LRMDA: variants seen among roughly 807,000 people sequenced by gnomAD.
The protein encoded by LRMDA is leucine-rich melanocyte differentiation-associated protein.
In LRMDA, 18 loss-of-function variants were observed where a neutral mutation model predicts 29.8. The ratio of observed to expected loss-of-function variants is 0.60; its 90% CI spans 0.42 to 0.90. The LOEUF (loss-of-function observed/expected upper bound fraction) is 0.90. Among genes scored for constraint, LRMDA ranks in the 40% least tolerant of loss-of-function variants. The probability of loss-of-function intolerance (pLI) is 0.00; values close to 1 mark genes in which losing one functional copy is unlikely to be tolerated. For synonymous variants in LRMDA, 125 were observed against 109.4 expected, an observed-to-expected ratio of 1.14 and a Z score of -0.89; for missense variants, 273 against 273.9, an observed-to-expected ratio of 1.00 and a Z score of 0.02.
chr10:75,693,224 C>T (rs181106675), intron 2 of LRMDA, among the ~76,000 whole-genome samples: 128 of 152,186 alleles, frequency 8.4e-4, no homozygotes, highest in African/African-American at 3.0e-3. Context: ...TGGGGGGAAT[C>T]GGGAGTGAGG....
chr10:76,542,749 T>A (rs2132386489), intron 6 of LRMDA, among the ~76,000 whole-genome samples: 1 of 152,316 alleles, frequency 6.6e-6, no homozygotes, highest in South Asian at 2.1e-4. Context: ...ATAACCTTGA[T>A]GTTAAGAGCT....
chr10:76,105,140 G>C (rs12263685), intron 5 of LRMDA, among the ~76,000 whole-genome samples: 5,711 of 152,210 alleles, frequency 0.038, 154 homozygotes, highest in African/African-American at 0.072. Context: ...ATCTTGGTCT[G>C]TGTTTCTTTT....
chr10:76,430,005 T>G (rs2132282108), intron 6 of LRMDA, among the ~76,000 whole-genome samples: 1 of 152,368 alleles, frequency 6.6e-6, no homozygotes, highest in East Asian at 1.9e-4. Context: ...CATTTATATT[T>G]CCATACTTTA....
At chr10:76,174,309 A>T (rs1036598640) in intron 5 of LRMDA, among the ~76,000 whole-genome samples, 3 of 152,106 alleles carry the variant, frequency 2.0e-5, no homozygotes, top group Non-Finnish European at 4.4e-5. Context: ...TAATTTAATT[A>T]AAAAATTTTT....
At chr10:75,991,648 C>T (rs1439745431) in intron 2 of LRMDA, among the ~76,000 whole-genome samples, 2 of 152,204 alleles carry the variant, frequency 1.3e-5, no homozygotes, top group African/African-American at 2.4e-5. Context: ...AGGAAAGATG[C>T]GTGACTGATG....
chr10:76,463,917 A>ATTTTTTTTTTTTTTTTTT (rs763472626), intron 6 of LRMDA, among the ~76,000 whole-genome samples: 8 of 112,886 alleles, frequency 7.1e-5, no homozygotes, highest in Admixed American at 2.1e-4. Context: ...TGCAAAATAA[A>ATTTTTTTTTTTTTTTTTT]TTTTTTTTTT....
At chr10:75,858,925 C>T (rs1195602051) in intron 2 of LRMDA, among the ~76,000 whole-genome samples, 1 of 152,246 alleles carries the variant, frequency 6.6e-6, no homozygotes, top group Non-Finnish European at 1.5e-5. Flanking sequence ...ATATCCCTCT[C>T]TGCCACAGGC....
chr10:75,545,814 G>T (rs1840074814), intron 2 of LRMDA, among the ~76,000 whole-genome samples: 1 of 152,178 alleles, frequency 6.6e-6, no homozygotes, highest in Non-Finnish European at 1.5e-5. Context: ...CTTAAATCTG[G>T]TTGGGAAGGA....
chr10:75,619,307 C>G (rs1480595614), intron 2 of LRMDA, among the ~76,000 whole-genome samples: 1 of 152,002 alleles, frequency 6.6e-6, no homozygotes, highest in Non-Finnish European at 1.5e-5. Flanking sequence ...GTCTATACCC[C>G]CTATCCTGTT....
At chr10:76,375,345 G>T (rs895336255) in intron 6 of LRMDA, among the ~76,000 whole-genome samples, 1 of 151,994 alleles carries the variant, frequency 6.6e-6, no homozygotes, top group East Asian at 1.9e-4. Context: ...GTTACCAGAG[G>T]ACTGCCAGGT....
chr10:75,527,467 T>G (rs9415102), intron 2 of LRMDA, among the ~76,000 whole-genome samples: 13,813 of 151,990 alleles, frequency 0.091, 849 homozygotes, highest in East Asian at 0.3. Flanking sequence ...ACTGCCAAAC[T>G]GTTTTCACAA....
intron 2 of LRMDA, among the ~76,000 whole-genome samples, chr10:75,626,456 C>T (rs1367286): frequency 0.65 from 98,360 of 151,942 alleles, 33,092 homozygotes; most frequent in East Asian, 0.79. Context: ...GAAAGGGAGA[C>T]TATGAATTGA....
At chr10:76,279,014 T>C (rs1041250897) in intron 5 of LRMDA, among the ~76,000 whole-genome samples, 2 of 152,206 alleles carry the variant, frequency 1.3e-5, no homozygotes, top group Non-Finnish European at 2.9e-5. Context: ...TTTGTTTCCT[T>C]GTCTGAACTG....
At chr10:75,804,425 A>T (rs1160702895) in intron 2 of LRMDA, among the ~76,000 whole-genome samples, 1 of 152,226 alleles carries the variant, frequency 6.6e-6, no homozygotes, top group Non-Finnish European at 1.5e-5. Flanking sequence ...GGTGTGCTGC[A>T]TAATTAAAGC....
At chr10:76,419,833 T>C (rs1842055038) in intron 6 of LRMDA, among the ~76,000 whole-genome samples, 1 of 152,144 alleles carries the variant, frequency 6.6e-6, no homozygotes, top group African/African-American at 2.4e-5. Context: ...CAGTCTTTTA[T>C]CTATTGTTTG....
intron 2 of LRMDA, among the ~76,000 whole-genome samples, chr10:75,896,021 T>C (rs1420725744): frequency 4.6e-5 from 7 of 152,174 alleles, no homozygotes; most frequent in Non-Finnish European, 8.8e-5. Context: ...TTGAGGATAA[T>C]AGAAGCATCA....
chr10:76,181,641 C>T (rs1851052401), intron 5 of LRMDA, among the ~76,000 whole-genome samples: 1 of 152,010 alleles, frequency 6.6e-6, no homozygotes, highest in South Asian at 2.1e-4. Context: ...AGGCTAGAGG[C>T]CAGAGATAAG....
chr10:76,295,832 GC>G (rs1298447498), intron 5 of LRMDA, among the ~76,000 whole-genome samples: 3 of 152,032 alleles, frequency 2.0e-5, no homozygotes, highest in African/African-American at 7.2e-5. Context: ...CCAAGGCTCA[GC>G]TCAATTCCAT....
intron 5 of LRMDA, among the ~76,000 whole-genome samples, chr10:76,238,306 T>TAATAAG (rs1852198862): frequency 6.6e-6 from 1 of 152,088 alleles, no homozygotes; most frequent in Non-Finnish European, 1.5e-5. Context: ...GGCAATTTGG[T>TAATAAG]CCTCTATTTA....
Sources: gnomAD v4.1 joint callset for allele counts (sites outside exome capture counted in the v4.1 genomes callset) on GRCh38, gnomAD v4.1.1 for gene constraint, MANE v1.5 for transcripts, NCBI Gene and HGNC (gene_info 2026-07-23, HGNC 2026-07-21) for gene names.